Variants in FOXN3 observed in about 807,000 individuals in gnomAD.
FOXN3 encodes forkhead box N3, also known as forkhead box protein N3.
Under a neutral mutation model 38.4 loss-of-function variants are expected in FOXN3, and 7 were observed. That is an observed-to-expected ratio of 0.18 (90% CI 0.10 to 0.34). FOXN3 has a LOEUF of 0.34. Ranked by LOEUF, FOXN3 falls within the 10% of genes least tolerant of loss-of-function variation. The pLI is 1.00. For missense variants in FOXN3, 456 were observed against 613.4 expected (o/e 0.74, Z 2.71); for synonymous variants, 230 against 242.2 (o/e 0.95, Z 0.47).
At chr14:89,333,437 C>G (rs549838669) in intron 3 of FOXN3, among the ~76,000 whole-genome samples, 70 of 142,452 alleles carry the variant, frequency 4.9e-4, no homozygotes, top group Middle Eastern at 4.3e-3. Context: ...AAAAAAAAGG[C>G]TCAGCACCTA....
chr14:89,552,306 C>T (rs1895021116), intron 1 of FOXN3, among the ~76,000 whole-genome samples: 1 of 152,210 alleles, frequency 6.6e-6, no homozygotes, highest in South Asian at 2.1e-4. Flanking sequence ...ACTCAAGTCT[C>T]TACCAGCAAA....
At chr14:89,431,105 A>G (rs1892146092) in intron 1 of FOXN3, among the ~76,000 whole-genome samples, 1 of 152,250 alleles carries the variant, frequency 6.6e-6, no homozygotes, top group Non-Finnish European at 1.5e-5. Flanking sequence ...TTTTAAGTAG[A>G]GAAAGAAGAG....
intron 1 of FOXN3, among the ~76,000 whole-genome samples, chr14:89,556,598 A>C (rs942761694): frequency 8.5e-5 from 13 of 152,126 alleles, no homozygotes; most frequent in Non-Finnish European, 1.8e-4. Context: ...ATGAATAAAT[A>C]AATGAATGCA....
intron 4 of FOXN3, among the ~76,000 whole-genome samples, chr14:89,232,288 T>C (rs1884835235): frequency 6.6e-6 from 1 of 152,230 alleles, no homozygotes; most frequent in Admixed American, 6.5e-5. Flanking sequence ...TTTAATATTC[T>C]ACAAACACAA....
At chr14:89,185,886 C>T (rs993179304) in intron 4 of FOXN3, 2 of 152,222 alleles carry the variant, frequency 1.3e-5, no homozygotes, top group African/African-American at 2.4e-5. Context: ...ATTGTAGATG[C>T]TATGTTCTAA....
chr14:89,494,741 G>A (rs1893644568), intron 1 of FOXN3, among the ~76,000 whole-genome samples: 3 of 152,230 alleles, frequency 2.0e-5, no homozygotes, highest in Admixed American at 2.0e-4. Flanking sequence ...TGCATTAGCA[G>A]GCTATAAACC....
intron 4 of FOXN3, among the ~76,000 whole-genome samples, chr14:89,233,906 T>C (rs1201893899): frequency 1.3e-5 from 2 of 152,238 alleles, no homozygotes; most frequent in Admixed American, 1.3e-4. Flanking sequence ...AAGGGAACCA[T>C]GTCACAATTG....
At chr14:89,513,718 C>A (rs1201490348) in intron 1 of FOXN3, among the ~76,000 whole-genome samples, 2 of 152,140 alleles carry the variant, frequency 1.3e-5, no homozygotes, top group Admixed American at 6.5e-5. Context: ...CCTCAGCCTC[C>A]CGAGTAGCTG....
chr14:89,446,108 A>AAAAAAAAAAAAAAC, intron 1 of FOXN3, among the ~76,000 whole-genome samples: 1 of 148,188 alleles, frequency 6.7e-6, no homozygotes, highest in African/African-American at 2.5e-5. Flanking sequence ...AAAAAAAAAA[A>AAAAAAAAAAAAAAC]AAATTTTAAG....
chr14:89,457,822 G>T (rs1428005501), intron 1 of FOXN3, among the ~76,000 whole-genome samples: 2 of 152,058 alleles, frequency 1.3e-5, no homozygotes, highest in African/African-American at 4.8e-5. Flanking sequence ...AGACCAGCCT[G>T]ACCAACATGG....
rs142336143 is a variant in FOXN3, at chr14:89,327,801, G to C, written c.680+22871C>G. Reference sequence around the variant, plus strand: ...AGGCTGGCTAATCTCGAAGTTTCCAGTCTTTAAACATTATAATAAGCAGAG... The same window carrying C: ...AGGCTGGCTAATCTCGAAGTTTCCACTCTTTAAACATTATAATAAGCAGAG... On this transcript the variant is annotated intron_variant, in intron 3 of 5. Coordinates refer to ENST00000557258, the MANE Select transcript of FOXN3 (RefSeq NM_005197.4). Among the ~76,000 whole-genome samples the C allele has an allele frequency of 2.8e-4, 42 of 152,288 alleles. 1 individual carries two copies. The East Asian group carries it at 6.9e-3, about 25-fold the overall frequency.
intron 4 of FOXN3, among the ~76,000 whole-genome samples, chr14:89,186,029 A>G (rs967607993): frequency 6.6e-6 from 1 of 152,276 alleles, no homozygotes. Context: ...GTTTTTCACA[A>G]CTTCTAAAAT....
In FOXN3 at chr14:89,304,072, T is replaced by G. The variant is rs545773456; in HGVS notation, c.681-23058A>C. On this transcript the variant is annotated intron_variant, in intron 3 of 5. Transcript: ENST00000557258. Reference sequence around the variant, plus strand: ...AGCTTCTTGCCGGTGATCACTCTGCTAAAAATAGCTTTGATGCTGTCACAT... The same window carrying G: ...AGCTTCTTGCCGGTGATCACTCTGCGAAAAATAGCTTTGATGCTGTCACAT... Among the ~76,000 whole-genome samples the G allele has an allele frequency of 1.2e-4, 18 of 152,326 alleles. 1 individual carries two copies. The South Asian group carries it at 3.5e-3, about 30-fold the overall frequency.
chr14:89,300,213 C>T (rs1293253233), intron 3 of FOXN3, among the ~76,000 whole-genome samples: 2 of 140,050 alleles, frequency 1.4e-5, no homozygotes, highest in African/African-American at 5.3e-5. Flanking sequence ...GATGGAGCCT[C>T]GCTCTGTCAT....
intron 2 of FOXN3, among the ~76,000 whole-genome samples, chr14:89,363,429 G>T (rs573989047): frequency 6.6e-6 from 1 of 152,350 alleles, no homozygotes; most frequent in Non-Finnish European, 1.5e-5. Context: ...GAACATTCTG[G>T]AAAGAATCCC....
intron 1 of FOXN3, among the ~76,000 whole-genome samples, chr14:89,441,922 C>CTTTTTTTTT (rs35118856): frequency 1.3e-5 from 1 of 75,440 alleles, no homozygotes; most frequent in African/African-American, 4.9e-5. Context: ...AACCGGCTGA[C>CTTTTTTTTT]TTTTTTTTTT....
At position 89,446,087 on chromosome 14, in the gene FOXN3, C is replaced by CAAAAAAAAAAAAAAAAAAAAAA. The variant is rs576883864; in HGVS notation, c.-14-33619_-14-33598dup. 6.5e-4 allele frequency among the ~76,000 whole-genome samples: 26 copies of CAAAAAAAAAAAAAAAAAAAAAA among 40,110 alleles called. 1 individual carries two copies. The highest frequency in any genetic ancestry group is 9.1e-4 in the Non-Finnish European group (20 of 22,088). The allele number at this position is 40,110 out of a possible 152,430, so 26.3% of individuals were successfully genotyped here. On this transcript the variant is annotated intron_variant, in intron 1 of 6. Transcript: ENST00000345097. ...TGGGTAACAGAGCGAGACCCTGCCT[C>CAAAAAAAAAAAAAAAAAAAAAA]AAAAAAAAAAAAAAAAAAAAAAAAT...
At chr14:89,169,318 G>A (rs1330161236) in intron 5 of FOXN3, among the ~76,000 whole-genome samples, 1 of 152,156 alleles carries the variant, frequency 6.6e-6, no homozygotes, top group Non-Finnish European at 1.5e-5. Context: ...GTGCATGCCT[G>A]TAGTCCCCAC....
intron 5 of FOXN3, among the ~76,000 whole-genome samples, chr14:89,178,180 T>G (rs1014730159): frequency 2.8e-4 from 43 of 151,908 alleles, no homozygotes; most frequent in Non-Finnish European, 4.3e-4. Flanking sequence ...GTCATTTTTT[T>G]TTTTTTTTTA....
Sources: gnomAD v4.1 joint callset for allele counts (sites outside exome capture counted in the v4.1 genomes callset) on GRCh38, gnomAD v4.1.1 for gene constraint, MANE v1.5 for transcripts, NCBI Gene and HGNC (gene_info 2026-07-23, HGNC 2026-07-21) for gene names.